MASP1: variants seen among roughly 807,000 people sequenced by gnomAD.
MASP1 encodes the protein MBL associated serine protease 1, also known as mannan-binding lectin serine protease 1.
Under a neutral mutation model 77.1 loss-of-function variants are expected in MASP1, and 59 were observed. The observed-to-expected ratio is 0.77, with a 90% confidence interval of 0.62 to 0.95. MASP1 has a LOEUF of 0.95. Among genes scored for constraint, MASP1 ranks in the 40% least tolerant of loss-of-function variants. The pLI, the probability that MASP1 is intolerant of heterozygous loss-of-function variation, is 0.00. For missense variants in MASP1, 885 were observed against 912.9 expected (o/e 0.97, Z 0.39); for synonymous variants, 362 against 354.5 (o/e 1.02, Z -0.24).
chr3:187,284,258 T>A (rs578192797), intron 2 of MASP1, among the ~76,000 whole-genome samples: 1 of 152,212 alleles, frequency 6.6e-6, no homozygotes, highest in Admixed American at 6.5e-5. Context: ...CCACCGTCCC[T>A]AGCACAGGGC....
chr3:187,221,722 T>A (rs982477572), intron 14 of MASP1, among the ~76,000 whole-genome samples: 3 of 152,202 alleles, frequency 2.0e-5, no homozygotes, highest in Non-Finnish European at 4.4e-5. Context: ...TATGTTGTCC[T>A]CCCTCTCTAC....
chr3:187,263,236 A>G (rs1253652707), intron 2 of MASP1: 2 of 163,888 alleles, frequency 1.2e-5, no homozygotes, highest in Non-Finnish European at 2.7e-5. Context: ...CAGGTATTAC[A>G]CAGTGTGACA....
At chr3:187,220,957 G>A in intron 15 of MASP1, 1 of 1,203,032 alleles carries the variant, frequency 8.3e-7, no homozygotes, top group Admixed American at 1.7e-5. Context: ...AGGTTGGGAG[G>A]CCTCTGTGCT....
At chr3:187,279,955 C>T (rs774502895) in intron 2 of MASP1, among the ~76,000 whole-genome samples, 4 of 152,130 alleles carry the variant, frequency 2.6e-5, no homozygotes, top group Admixed American at 1.3e-4. Flanking sequence ...CATTTTACTT[C>T]GAAGAATTCT....
At chr3:187,255,019 C>T (rs973897289) in intron 5 of MASP1, among the ~76,000 whole-genome samples, 1 of 152,064 alleles carries the variant, frequency 6.6e-6, no homozygotes, top group South Asian at 2.1e-4. Flanking sequence ...TAGGGTGGTC[C>T]TCCTGACCTT....
chr3:187,250,377 G>A (rs1714468842), intron 7 of MASP1, 48 bp from the exon 8 acceptor site: 2 of 1,416,776 alleles, frequency 1.4e-6, no homozygotes, highest in Non-Finnish European at 2.0e-6. Flanking sequence ...GGTGGGGGTG[G>A]TGTCAGGGGT....
At chr3:187,218,928 G>A (rs961778124) in exon 16 of MASP1, 6 of 152,332 alleles carry the variant, frequency 3.9e-5, no homozygotes, top group Non-Finnish European at 8.8e-5. Context: ...GTGGACATAG[G>A]AAGGAAGAGT....
In MASP1 at chr3:187,257,158, GT is replaced by G. The variant is rs542589346; in HGVS notation, c.548-299del. Among the ~76,000 whole-genome samples, 631 of 152,138 alleles carry G rather than the reference GT, an allele frequency of 4.1e-3. 3 individuals are homozygous for G. Among genetic ancestry groups the G allele is most frequent in the African/African-American group, 0.015 (609 of 41,482 alleles). On this transcript the variant is annotated intron_variant, in intron 4 of 10. Transcript: ENST00000296280. ...AGGGAGAGGGATCTGAGAGGGAAGG[GT>G]TTTGAGATGGAGTGGTCAGGGGGAT...
Position 187,251,675 on chromosome 3 carries a change from G to C in MASP1, c.970C>G (p.Gln324Glu). The C allele has an allele frequency of 6.2e-7, 1 of 1,614,172 alleles. No individual in the cohort carries two copies. Among genetic ancestry groups the C allele is most frequent in the Non-Finnish European group, 8.5e-7 (1 of 1,180,020 alleles). ...PSQAKYFFKDQVLVSCDTGYK... is the reference protein window; with the variant it reads ...PSQAKYFFKDEVLVSCDTGYK... ...CCTGTGTCACAGCTGACGAGCACTT[G>C]GTCTTTGAAGAAATACTTGGCTTGG... Residue 324 changes from glutamine (Q) to glutamate (E), a missense_variant, in exon 7 of 11, where the codon CAA becomes GAA. Coordinates refer to ENST00000296280, the MANE Select transcript of MASP1 (RefSeq NM_139125.4).
intron 4 of MASP1, among the ~76,000 whole-genome samples, chr3:187,257,168 G>A (rs1433294509): frequency 6.6e-6 from 1 of 152,020 alleles, no homozygotes; most frequent in Non-Finnish European, 1.5e-5. Flanking sequence ...GTTTTGAGAT[G>A]GAGTGGTCAG....
rs907052221 is a variant in MASP1 at position 187,291,640 on chromosome 3, C to A, written c.-8G>T. On this transcript the variant is annotated 5_prime_UTR_variant, in exon 1 of 11. Coordinates refer to ENST00000296280, the MANE Select transcript of MASP1 (RefSeq NM_139125.4). ...CCCTGGCACGTACCTCATTTTCCTG[C>A]CTTGGGTGCTCCCGGCTGCCCGGCC... The A allele has an allele frequency of 3.7e-6, 6 of 1,614,124 alleles. No individual in the cohort carries two copies.
chr3:187,256,574 A>G lies in MASP1; in HGVS notation c.744+90T>C, dbSNP rs536544118. 94 of 1,207,110 alleles carry G rather than the reference A, an allele frequency of 7.8e-5. No individual in the cohort carries two copies. The South Asian group carries it at 1.1e-3, about 14-fold the overall frequency. The allele number at this position is 1,207,110 out of a possible 1,614,324, so 74.8% of individuals were successfully genotyped here. ...TAGCTGCTAGGCTCTCTATCCTGGG[A>G]GAAGAAGGTGAAGGTTCCGCAATAT... On this transcript the variant is annotated intron_variant, in intron 5 of 10. Transcript: ENST00000296280.
chr3:187,263,506 T>C, intron 2 of MASP1, among the ~76,000 whole-genome samples: 1 of 152,106 alleles, frequency 6.6e-6, no homozygotes, highest in Non-Finnish European at 1.5e-5. Flanking sequence ...GAAGGATACA[T>C]GGAAAGAAAA....
intron 8 of MASP1, among the ~76,000 whole-genome samples, chr3:187,245,557 G>A (rs1714005060): frequency 1.3e-5 from 2 of 152,134 alleles, no homozygotes; most frequent in Non-Finnish European, 2.9e-5. Context: ...GCAGTGTGGA[G>A]GGGCGTACTT....
exon 16 of MASP1, chr3:187,219,761 G>C: frequency 2.4e-6 from 1 of 415,516 alleles, no homozygotes; most frequent in South Asian, 2.3e-5. Flanking sequence ...AGACTTTTAC[G>C]AGGTAGGTAA....
intron 1 of MASP1, among the ~76,000 whole-genome samples, chr3:187,289,185 GA>G (rs1343715065): frequency 2.6e-5 from 4 of 152,138 alleles, no homozygotes; most frequent in African/African-American, 7.2e-5. Context: ...CCCCCCGTAG[GA>G]ACAGGCTAGC....
At chr3:187,257,457 G>GCCTACA (rs1191588735) in intron 4 of MASP1, among the ~76,000 whole-genome samples, 1 of 151,842 alleles carries the variant, frequency 6.6e-6, no homozygotes, top group African/African-American at 2.4e-5. Flanking sequence ...TGCAACCTTC[G>GCCTACA]CCTCCACCTC....
exon 12 of MASP1, chr3:187,226,443 C>T (rs1175035971): frequency 2.5e-6 from 4 of 1,612,772 alleles, no homozygotes; most frequent in Non-Finnish European, 3.4e-6. Context: ...CTGAGCAAGT[C>T]TGAATCACGT....
Position 187,286,509 on chromosome 3 carries a change from AT to A in MASP1, c.6-454del, listed in dbSNP as rs564176284. Among the ~76,000 whole-genome samples the A allele has an allele frequency of 3.3e-5, 5 of 152,354 alleles. No homozygotes were observed. In the East Asian group the frequency reaches 9.6e-4, roughly 29 times the overall value. On this transcript the variant is annotated intron_variant, in intron 1 of 10. Transcript: ENST00000296280. ...AAACAGATTTAACGTTGAAAATGGT[AT>A]TTCACCACAAACTCAGTCAAAGTAT... is the stretch of plus-strand genomic sequence containing the variant.
Sources: gnomAD v4.1 joint callset for allele counts (sites outside exome capture counted in the v4.1 genomes callset) on GRCh38, gnomAD v4.1.1 for gene constraint, MANE v1.5 for transcripts, NCBI Gene and HGNC (gene_info 2026-07-23, HGNC 2026-07-21) for gene names.